Variants in DMD observed in about 807,000 individuals in gnomAD.
DMD encodes mutant dystrophin.
Under a neutral mutation model 330.1 loss-of-function variants are expected in DMD, and 63 were observed. The observed-to-expected ratio is 0.19, with a 90% CI of 0.16 to 0.24. The LOEUF is 0.24. Ranked by LOEUF, DMD falls within the 10% of genes least tolerant of loss-of-function variation. The probability of loss-of-function intolerance (pLI) is 1.00; values close to 1 mark genes in which losing one functional copy is unlikely to be tolerated. For missense variants in DMD, 3,344 were observed against 2,684.1 expected, an observed-to-expected ratio of 1.25 and a Z score of -5.43; for synonymous variants, 1,223 against 959.8, an observed-to-expected ratio of 1.27 and a Z score of -5.07.
chrX:31,615,070 A>AT lies in DMD; in HGVS notation c.8217+12602dup, dbSNP rs777983558. Among the ~76,000 whole-genome samples, 11 of 111,558 alleles carry AT rather than the reference A, an allele frequency of 9.9e-5. No homozygotes were observed. The East Asian group carries it at 1.1e-3, about 11-fold the overall frequency. ...GTTACCTATCACATAGAGGAATATC[A>AT]TTTTTTTTGTTTTGGTCTAGAAAGT... On this transcript the variant is annotated intron_variant, in intron 55 of 78. Transcript: ENST00000357033.
chrX:31,368,162 G>A (rs1246636349), intron 60 of DMD, among the ~76,000 whole-genome samples: 1 of 111,994 alleles, frequency 8.9e-6, no homozygotes, highest in Non-Finnish European at 1.9e-5. Context: ...AGCTTCCTGG[G>A]TGGGCAAGCA....
chrX:31,250,675 G>A (rs2049259609), intron 63 of DMD, among the ~76,000 whole-genome samples: 1 of 111,644 alleles, frequency 9.0e-6, no homozygotes, highest in Non-Finnish European at 1.9e-5. Context: ...ATGGAGCAGG[G>A]TACAGACGAG....
In DMD at chrX:32,228,136, T is replaced by C. The variant is rs547947027; in HGVS notation, c.6291-11073A>G. The stretch of plus-strand genomic sequence containing the variant: ...TGAGATAAATTGATAAGTACTCAAA[T>C]AGTTAGAGATTCATTTCTTTACCTA... On this transcript the variant is annotated intron_variant, in intron 43 of 78. Transcript: ENST00000357033. 8.1e-5 allele frequency among the ~76,000 whole-genome samples: 9 copies of C among 111,696 alleles called. No homozygotes were observed. In the South Asian group the frequency reaches 3.4e-3, roughly 42 times the overall value.
chrX:31,426,082 T>G (rs961200516), intron 60 of DMD, among the ~76,000 whole-genome samples: 1 of 111,798 alleles, frequency 8.9e-6, no homozygotes, highest in East Asian at 2.8e-4. Context: ...CCCAGGGGAT[T>G]CTGATGCATA....
At chrX:32,988,666 T>C (rs2092907281) in intron 2 of DMD, among the ~76,000 whole-genome samples, 1 of 112,318 alleles carries the variant, frequency 8.9e-6, no homozygotes, top group South Asian at 3.7e-4. Flanking sequence ...AAGACTCAAG[T>C]TATACGGATA....
At chrX:32,400,840 C>T (rs1177676479) in intron 30 of DMD, among the ~76,000 whole-genome samples, 2 of 108,245 alleles carry the variant, frequency 1.8e-5, no homozygotes, top group Non-Finnish European at 3.8e-5. Context: ...GGTATATACC[C>T]AAAGGACTAT....
intron 62 of DMD, among the ~76,000 whole-genome samples, chrX:31,296,411 C>T (rs976894401): frequency 7.2e-5 from 8 of 111,603 alleles, no homozygotes; most frequent in African/African-American, 2.6e-4. Flanking sequence ...TAATGGTAAG[C>T]TATTTTTTAA....
intron 29 of DMD, among the ~76,000 whole-genome samples, chrX:32,417,785 C>T (rs1489065074): frequency 9.2e-6 from 1 of 109,098 alleles, no homozygotes; most frequent in African/African-American, 3.4e-5. Context: ...AGATCCCATA[C>T]TTGTACCCCA....
intron 7 of DMD, among the ~76,000 whole-genome samples, chrX:32,720,325 T>C (rs1226625826): frequency 1.8e-5 from 2 of 111,581 alleles, no homozygotes; most frequent in Admixed American, 9.6e-5. Flanking sequence ...TGTGAAAAAA[T>C]TGACCAAAAT....
intron 49 of DMD, among the ~76,000 whole-genome samples, chrX:31,821,515 G>C (rs1326011589): frequency 1.8e-5 from 2 of 111,961 alleles, no homozygotes; most frequent in African/African-American, 6.5e-5. Context: ...GCTACCAAGG[G>C]AATGGCAGGC....
intron 44 of DMD, among the ~76,000 whole-genome samples, chrX:32,169,310 G>T (rs1452798664): frequency 9.0e-6 from 1 of 111,527 alleles, no homozygotes; most frequent in African/African-American, 3.3e-5. Context: ...GCCTAGACAA[G>T]ATAAGTTAAC....
intron 47 of DMD, among the ~76,000 whole-genome samples, chrX:31,896,176 C>G (rs868250126): frequency 7.2e-5 from 8 of 111,804 alleles, no homozygotes; most frequent in Non-Finnish European, 1.3e-4. Context: ...GTGAAAGAAA[C>G]TTGGCAGGGT....
intron 30 of DMD, among the ~76,000 whole-genome samples, chrX:32,404,943 C>T (rs1012846081): frequency 2.5e-4 from 28 of 111,587 alleles, no homozygotes; most frequent in Non-Finnish European, 4.9e-4. Flanking sequence ...TTTCTTCCAT[C>T]ACCCATTTTC....
intron 2 of DMD, among the ~76,000 whole-genome samples, chrX:32,893,236 G>C (rs1412518541): frequency 8.9e-6 from 1 of 112,028 alleles, no homozygotes; most frequent in Non-Finnish European, 1.9e-5. Context: ...TGGTTATTCA[G>C]TTGTTCAGTT....
At chrX:32,582,762 A>G (rs2053790369) in intron 13 of DMD, among the ~76,000 whole-genome samples, 1 of 111,908 alleles carries the variant, frequency 8.9e-6, no homozygotes, top group Non-Finnish European at 1.9e-5. Context: ...CTTTTATTTG[A>G]CTATAGGCTC....
intron 60 of DMD, among the ~76,000 whole-genome samples, chrX:31,351,597 G>A (rs1266402206): frequency 9.3e-6 from 1 of 107,799 alleles, no homozygotes; most frequent in Non-Finnish European, 1.9e-5. Context: ...GTGGTGGTGG[G>A]CATCTGTAAT....
At chrX:31,756,463 TAC>T (rs58167942) in intron 51 of DMD, among the ~76,000 whole-genome samples, 51,496 of 106,235 alleles carry the variant, frequency 0.48, 9,438 homozygotes, top group East Asian at 0.64. Flanking sequence ...CGTGTATGTG[TAC>T]ACACACACAC....
intron 44 of DMD, among the ~76,000 whole-genome samples, chrX:32,024,508 A>AAAAAT (rs1397758849): frequency 9.8e-6 from 1 of 102,166 alleles, no homozygotes; most frequent in Non-Finnish European, 2.0e-5. Flanking sequence ...AAAAAAAAAA[A>AAAAAT]GTATGAAACA....
At position 32,342,181 on chromosome X, in the gene DMD, T is replaced by C. The variant is rs1273548049; in HGVS notation, c.5841A>G (p.Pro1947=). 7 of 1,209,057 alleles carry C rather than the reference T, an allele frequency of 5.8e-6. No homozygotes were observed. The highest frequency in any genetic ancestry group is 1.7e-5 in the African/African-American group (1 of 57,164). ...SEDGAAMAVE[P]TQIQLSKRWR... The stretch of plus-strand genomic sequence containing the variant: ...AGCGCTTGCTGAGCTGGATCTGAGT[T>C]GGCTCCACTGCCATTGCGGCCCCAT... Residue 1947 remains proline (P), a synonymous_variant, in exon 41 of 79, where the codon CCA becomes CCG. Coordinates refer to ENST00000357033, the MANE Select transcript of DMD (RefSeq NM_004006.3).
Sources: gnomAD v4.1 joint callset for allele counts (sites outside exome capture counted in the v4.1 genomes callset) on GRCh38, gnomAD v4.1.1 for gene constraint, MANE v1.5 for transcripts, NCBI Gene and HGNC (gene_info 2026-07-23, HGNC 2026-07-21) for gene names.